Variants in SNTG1 observed in about 807,000 individuals in gnomAD.
SNTG1 encodes gamma-1-syntrophin.
Under a neutral mutation model 74.7 loss-of-function variants are expected in SNTG1, and 39 were observed. The ratio of observed to expected loss-of-function variants is 0.52; its 90% CI spans 0.40 to 0.68. The LOEUF (loss-of-function observed/expected upper bound fraction) is 0.68, where lower values mean the gene tolerates loss of function less well. Ranked by LOEUF, SNTG1 falls within the 30% of genes least tolerant of loss-of-function variation. The pLI is 0.00. For synonymous variants in SNTG1, 254 were observed against 217.1 expected, an observed-to-expected ratio of 1.17 and a Z score of -1.49; for missense variants, 685 against 609.5, an observed-to-expected ratio of 1.12 and a Z score of -1.30.
intron 11 of SNTG1, among the ~76,000 whole-genome samples, chr8:50,545,467 A>G (rs879736943): frequency 5.4e-5 from 8 of 146,934 alleles, no homozygotes; most frequent in African/African-American, 2.0e-4. Context: ...GTCACTTTAT[A>G]TAATATTATA....
chr8:49,974,520 A>G (rs1563417679), intron 1 of SNTG1, among the ~76,000 whole-genome samples: 1 of 152,184 alleles, frequency 6.6e-6, no homozygotes, highest in Non-Finnish European at 1.5e-5. Context: ...ATTTCTCAAG[A>G]TGAATGCAAA....
intron 4 of SNTG1, among the ~76,000 whole-genome samples, chr8:50,406,258 C>A (rs1321634691): frequency 3.9e-5 from 6 of 151,986 alleles, no homozygotes; most frequent in Non-Finnish European, 5.9e-5. Context: ...AGTCTTTCAA[C>A]CCCTTGCTTA....
At chr8:50,693,220 G>T (rs34346090) in intron 15 of SNTG1, among the ~76,000 whole-genome samples, 1 of 151,856 alleles carries the variant, frequency 6.6e-6, no homozygotes. Context: ...GTGATGCCTC[G>T]CCCTGCTTCG....
intron 4 of SNTG1, 109 bp downstream of exon 4, chr8:50,402,453 G>C: frequency 7.7e-7 from 1 of 1,293,366 alleles, no homozygotes; most frequent in South Asian, 1.5e-5. Flanking sequence ...TCTAGTCAAT[G>C]GTTCTGCATG....
chr8:50,145,579 C>T (rs2081831045), intron 1 of SNTG1, among the ~76,000 whole-genome samples: 1 of 152,134 alleles, frequency 6.6e-6, no homozygotes, highest in South Asian at 2.1e-4. Flanking sequence ...ACTGCATTTA[C>T]TGTCTTACAG....
chr8:50,368,329 G>C (rs1018929995), intron 2 of SNTG1, among the ~76,000 whole-genome samples: 1 of 152,144 alleles, frequency 6.6e-6, no homozygotes, highest in South Asian at 2.1e-4. Flanking sequence ...GCAAAGTGTT[G>C]AAAGTATGGC....
intron 2 of SNTG1, among the ~76,000 whole-genome samples, chr8:50,347,864 A>G (rs1390540632): frequency 1.3e-5 from 2 of 152,224 alleles, no homozygotes; most frequent in Non-Finnish European, 2.9e-5. Context: ...CTTTAAATAG[A>G]GTTGTGGGGA....
intron 1 of SNTG1, among the ~76,000 whole-genome samples, chr8:49,981,534 C>G (rs1488105020): frequency 2.0e-5 from 3 of 152,066 alleles, no homozygotes; most frequent in African/African-American, 7.2e-5. Context: ...AAAAGATGGG[C>G]CAACATAATT....
At chr8:50,236,095 T>C (rs1049656879) in intron 2 of SNTG1, among the ~76,000 whole-genome samples, 22 of 152,160 alleles carry the variant, frequency 1.4e-4, no homozygotes, top group African/African-American at 5.3e-4. Flanking sequence ...GAGGAGAGGT[T>C]GTGCCACTTT....
rs1802760735 is a variant in SNTG1 at position 50,795,363 on chromosome 8, A to G, written c.*2534A>G. 6.6e-6 allele frequency: 1 copy of G among 152,110 alleles called. No homozygotes were observed. The highest frequency in any genetic ancestry group is 1.5e-5 in the Non-Finnish European group (1 of 67,988). 9.4% of individuals were successfully genotyped at this position (152,110 alleles called of 1,614,324 possible). A position where few individuals can be genotyped will look rare whatever the true frequency, so the allele number is the denominator to read the frequency against. The stretch of plus-strand genomic sequence containing the variant: ...TGGTGATTAGTCATTGGCATTTGTT[A>G]TAACTTGGACTACTTGAATGAGAAA... On this transcript the variant is annotated 3_prime_UTR_variant, in exon 19 of 19. Coordinates refer to ENST00000642720, the MANE Select transcript of SNTG1 (RefSeq NM_018967.5).
chr8:50,024,286 G>A (rs544737053), intron 1 of SNTG1, among the ~76,000 whole-genome samples: 60 of 152,200 alleles, frequency 3.9e-4, no homozygotes, highest in African/African-American at 1.4e-3. Flanking sequence ...TGATTCTGAT[G>A]CACAATCAAG....
intron 9 of SNTG1, among the ~76,000 whole-genome samples, chr8:50,522,802 C>T (rs1307702440): frequency 6.6e-6 from 1 of 152,152 alleles, no homozygotes; most frequent in Non-Finnish European, 1.5e-5. Flanking sequence ...TGGCCTTGAT[C>T]TCCTGACCTT....
intron 9 of SNTG1, among the ~76,000 whole-genome samples, chr8:50,506,048 C>T (rs1585498825): frequency 6.6e-6 from 1 of 151,840 alleles, no homozygotes; most frequent in Non-Finnish European, 1.5e-5. Context: ...GGTAAGTGCC[C>T]AACATTCTTT....
At chr8:50,345,468 T>C (rs1354173885) in intron 2 of SNTG1, among the ~76,000 whole-genome samples, 2 of 152,216 alleles carry the variant, frequency 1.3e-5, no homozygotes, top group Non-Finnish European at 2.9e-5. Context: ...TCTGCATTTA[T>C]GGCCCTGCCC....
chr8:50,601,310 A>T (rs952624470), intron 13 of SNTG1, among the ~76,000 whole-genome samples: 4 of 151,048 alleles, frequency 2.6e-5, no homozygotes, highest in African/African-American at 9.7e-5. Context: ...CATAGGTTTT[A>T]TTATGTTGTG....
intron 2 of SNTG1, among the ~76,000 whole-genome samples, chr8:50,340,906 C>T (rs2091296672): frequency 6.6e-6 from 1 of 151,876 alleles, no homozygotes; most frequent in African/African-American, 2.4e-5. Context: ...TGACAATTTG[C>T]AGAGTTCAAA....
At chr8:50,329,476 C>T (rs1392568189) in intron 2 of SNTG1, among the ~76,000 whole-genome samples, 1 of 152,082 alleles carries the variant, frequency 6.6e-6, no homozygotes, top group African/African-American at 2.4e-5. Context: ...TTCTGTGTAC[C>T]TGCAGGCAAA....
intron 8 of SNTG1, among the ~76,000 whole-genome samples, chr8:50,453,672 A>T (rs1214134860): frequency 2.0e-5 from 3 of 152,186 alleles, no homozygotes. Context: ...CATATGTGAA[A>T]CTCCAAGCAT....
intron 2 of SNTG1, among the ~76,000 whole-genome samples, chr8:50,237,695 CTGT>C (rs1360523794): frequency 6.6e-6 from 1 of 152,046 alleles, no homozygotes; most frequent in Non-Finnish European, 1.5e-5. Context: ...TAATCCATCA[CTGT>C]TAAGATTCTC....
Sources: gnomAD v4.1 joint callset for allele counts (sites outside exome capture counted in the v4.1 genomes callset) on GRCh38, gnomAD v4.1.1 for gene constraint, MANE v1.5 for transcripts, NCBI Gene and HGNC (gene_info 2026-07-23, HGNC 2026-07-21) for gene names.